KBTBD3: variants seen among roughly 807,000 people sequenced by gnomAD.
The protein encoded by KBTBD3 is kelch repeat and BTB domain containing 3, also known as kelch repeat and BTB domain-containing protein 3.
A neutral mutation model predicts 49.6 loss-of-function variants in KBTBD3; 38 were observed. That is an observed-to-expected ratio of 0.77 (90% CI 0.59 to 1.00). The LOEUF (loss-of-function observed/expected upper bound fraction) is 1.00, where lower values mean the gene tolerates loss of function less well. Among genes scored for constraint, KBTBD3 ranks in the 50% least tolerant of loss-of-function variants. KBTBD3 has a pLI of 0.00. For missense variants in KBTBD3, 661 were observed against 712.0 expected, an observed-to-expected ratio of 0.93 and a Z score of 0.81; for synonymous variants, 214 against 250.4, an observed-to-expected ratio of 0.85 and a Z score of 1.37.
rs200897840 is a variant in KBTBD3, at chr11:106,054,459, C to A, written c.234-4G>T. On this transcript the variant is annotated splice_region_variant and splice_polypyrimidine_tract_variant and intron_variant, in intron 3 of 3. Coordinates refer to ENST00000531837, the MANE Select transcript of KBTBD3 (RefSeq NM_198439.3). Reference sequence around the variant, plus strand: ...CATGTTTACTTCAAACATAGCCCTGCAAAAATAAAGAACACAGAAAAACAG... The same window carrying A: ...CATGTTTACTTCAAACATAGCCCTGAAAAAATAAAGAACACAGAAAAACAG... 4 of 1,496,272 alleles carry A rather than the reference C, an allele frequency of 2.7e-6. No individual in the cohort carries two copies. Among genetic ancestry groups the A allele is most frequent in the African/African-American group, 2.8e-5 (2 of 71,152 alleles). The allele number at this position is 1,496,272 out of a possible 1,614,324, so 92.7% of individuals were successfully genotyped here. A position where few individuals can be genotyped will look rare whatever the true frequency, so the allele number is the denominator to read the frequency against.
intron 2 of KBTBD3, among the ~76,000 whole-genome samples, chr11:106,059,517 C>T (rs1338051551): frequency 1.3e-5 from 2 of 152,144 alleles, no homozygotes; most frequent in Non-Finnish European, 2.9e-5. Flanking sequence ...CTTCTGGTAA[C>T]AAAGTAGCTG....
In KBTBD3 at chr11:106,053,087, T is replaced by C. The variant is rs1217768683; in HGVS notation, c.1602A>G (p.Glu534=). 6.2e-7 allele frequency: 1 copy of C among 1,613,784 alleles called. No homozygotes were observed. Among genetic ancestry groups the C allele is most frequent in the Middle Eastern group, 1.6e-4 (1 of 6,062 alleles). Residue 534 remains glutamate, a synonymous_variant, in exon 4 of 4, where the codon GAA becomes GAG. Coordinates refer to ENST00000531837, the MANE Select transcript of KBTBD3 (RefSeq NM_198439.3). ...TAAAGCCTGCACACTCAAAAGATCC[T>C]TCGCCTTTCCAAACACAAGTGTCTG... ...FCPDTCVWKG[E]GSFECAGFNA... is the part of the protein sequence containing the mutation.
rs374062847 is a variant in KBTBD3 at position 106,073,258 on chromosome 11, CTTT to C, written c.-13+3246_-13+3248del. On this transcript the variant is annotated intron_variant, in intron 2 of 3. Transcript: ENST00000531837. Reference sequence around the variant, plus strand: ...TACAGGCGTGCATTAGCACACTCAGCTTTTTTTTTTTTTTTTTTTTTAATTTAG... The same window carrying C: ...TACAGGCGTGCATTAGCACACTCAGCTTTTTTTTTTTTTTTTTTAATTTAG... 6.2e-3 allele frequency among the ~76,000 whole-genome samples: 703 copies of C among 113,074 alleles called. 5 individuals are homozygous for C. The highest frequency in any genetic ancestry group is 0.013 in the South Asian group (39 of 3,044). 74.2% of individuals were successfully genotyped at this position (113,074 alleles called of 152,430 possible).
chr11:106,060,388 T>A (rs1157403450), intron 2 of KBTBD3, among the ~76,000 whole-genome samples: 1 of 152,164 alleles, frequency 6.6e-6, no homozygotes, highest in East Asian at 1.9e-4. Context: ...TGTTTTATAT[T>A]TTTGCAAATC....
In KBTBD3 at chr11:106,053,730, G is replaced by C. The variant is rs1860484190; in HGVS notation, c.959C>G (p.Ser320Ter). Residue 320 changes from serine to a stop codon, truncating the protein, a stop_gained, in exon 4 of 4, where the codon TCA (serine) becomes TGA (stop). Transcript: ENST00000531837. LOFTEE classifies it high-confidence loss of function. ...YTFCYNIKSD[S>*]WKILPQSHLI... ...GTGTGATTGCGGCAGTATTTTCCAT[G>C]AATCAGATTTAATGTTATAGCAAAA... 6.2e-7 allele frequency: 1 copy of C among 1,613,604 alleles called. No homozygotes were observed. Among genetic ancestry groups the C allele is most frequent in the Non-Finnish European group, 8.5e-7 (1 of 1,179,880 alleles).
In KBTBD3 at chr11:106,052,262, AATGGCATTATAAC is replaced by A. The variant is rs1198205248; in HGVS notation, c.*575_*587del. ...TTTTTAAAGCATTTAAGTAACTGCT[AATGGCATTATAAC>A]ATGGTACATTATGCTTTTAATGAAA... is the stretch of plus-strand genomic sequence containing the variant. On this transcript the variant is annotated 3_prime_UTR_variant, in exon 4 of 4. Coordinates refer to ENST00000531837, the MANE Select transcript of KBTBD3 (RefSeq NM_198439.3). The A allele has an allele frequency of 1.6e-4, 24 of 152,036 alleles. No homozygotes were observed. The highest frequency in any genetic ancestry group is 1.2e-3 in the Admixed American group (19 of 15,242). 9.4% of individuals were successfully genotyped at this position (152,036 alleles called of 1,614,324 possible).
intron 2 of KBTBD3, among the ~76,000 whole-genome samples, chr11:106,070,586 T>A (rs1203096833): frequency 1.3e-5 from 2 of 152,056 alleles, no homozygotes; most frequent in African/African-American, 4.8e-5. Flanking sequence ...TAAAATATAA[T>A]GACAACACCA....
chr11:106,064,517 C>T (rs911683928), intron 2 of KBTBD3, among the ~76,000 whole-genome samples: 3 of 129,348 alleles, frequency 2.3e-5, no homozygotes, highest in African/African-American at 7.9e-5. Flanking sequence ...GCACTCCAGC[C>T]TGGGTGACAG....
In KBTBD3 at chr11:106,054,258, A is replaced by T; in HGVS notation, c.431T>A (p.Phe144Tyr). The T allele has an allele frequency of 6.2e-7, 1 of 1,612,136 alleles. No homozygotes were observed. The highest frequency in any genetic ancestry group is 8.5e-7 in the Non-Finnish European group (1 of 1,179,072). Residue 144 changes from phenylalanine to tyrosine, a missense_variant, in exon 4 of 4, where the codon TTT becomes TAT. Transcript: ENST00000531837. ...GACAAGATTAATACTTTTTATTAAA[A>T]AGTCACTGCAAGCTTTGGATAGGAA... ...VSFLSKACSDFLIKSINLVNC... is the reference protein window; with the variant it reads ...VSFLSKACSDYLIKSINLVNC...
chr11:106,058,634 G>T (rs1325391524), intron 3 of KBTBD3: 5 of 457,344 alleles, frequency 1.1e-5, no homozygotes, highest in African/African-American at 6.2e-5. Flanking sequence ...ATGTTGGCCA[G>T]GCTGGTCTTG....
chr11:106,072,086 C>A (rs1157017429), intron 2 of KBTBD3, among the ~76,000 whole-genome samples: 1 of 152,086 alleles, frequency 6.6e-6, no homozygotes, highest in Non-Finnish European at 1.5e-5. Context: ...GGGTAGTAGT[C>A]ATGACATATT....
At chr11:106,069,375 A>C (rs886503579) in intron 2 of KBTBD3, among the ~76,000 whole-genome samples, 1 of 152,082 alleles carries the variant, frequency 6.6e-6, no homozygotes, top group African/African-American at 2.4e-5. Flanking sequence ...AACCTCATAG[A>C]ACGAATCAGC....
In KBTBD3 at chr11:106,054,028, T is replaced by G. The variant is rs530353292; in HGVS notation, c.661A>C (p.Ser221Arg). The G allele has an allele frequency of 8.7e-6, 14 of 1,613,830 alleles. No homozygotes were observed. The South Asian group carries it at 1.4e-4, about 16-fold the overall frequency. Reference sequence around the variant, plus strand: ...GATTCTAAGTTATGTTTAGTCCAACTAAGGACAACTTTCAGTACCATTTCT... The same window carrying G: ...GATTCTAAGTTATGTTTAGTCCAACGAAGGACAACTTTCAGTACCATTTCT... Reference protein sequence around the residue: ...EEEMVLKVVLSWTKHNLESRQ... With the variant: ...EEEMVLKVVLRWTKHNLESRQ... Residue 221 changes from serine to arginine, a missense_variant, in exon 4 of 4, where the codon AGT (serine) becomes CGT (arginine). Coordinates refer to ENST00000531837, the MANE Select transcript of KBTBD3 (RefSeq NM_198439.3).
At chr11:106,066,118 A>G (rs1026561188) in intron 2 of KBTBD3, among the ~76,000 whole-genome samples, 3 of 152,216 alleles carry the variant, frequency 2.0e-5, no homozygotes, top group Non-Finnish European at 4.4e-5. Flanking sequence ...AATGATCACA[A>G]CAATCTAAAT....
In KBTBD3 at chr11:106,053,508, G is replaced by A; in HGVS notation, c.1181C>T (p.Thr394Ile). The part of the protein sequence containing the change: ...FLVSTMKTPR[T>I]MHTSVMALDR... The stretch of plus-strand genomic sequence containing the variant: ...GAGAGCCATAACTGATGTATGCATG[G>A]TTCTTGGTGTTTTCATAGTTGATAC... Residue 394 changes from threonine to isoleucine, a missense_variant, in exon 4 of 4, where the codon ACC becomes ATC. Coordinates refer to ENST00000531837, the MANE Select transcript of KBTBD3 (RefSeq NM_198439.3). 6.2e-7 allele frequency: 1 copy of A among 1,613,724 alleles called. No individual in the cohort carries two copies. Among genetic ancestry groups the A allele is most frequent in the Non-Finnish European group, 8.5e-7 (1 of 1,179,844 alleles).
In KBTBD3 at chr11:106,053,210, A is replaced by C; in HGVS notation, c.1479T>G (p.Phe493Leu). 5.0e-6 allele frequency: 8 copies of C among 1,613,678 alleles called. No homozygotes were observed. Among genetic ancestry groups the C allele is most frequent in the Non-Finnish European group, 6.8e-6 (8 of 1,179,818 alleles). ...TTAATGTTGCATGAAAAAATTGCCC[A>C]AACTCTGCTACTAGTTCAGACCACT... ...TDQWSELVAE[F>L]GQFFHATLIK... The change falls in exon 4 of 4, where the codon TTT becomes TTG. Residue 493 changes from phenylalanine to leucine, a missense_variant. Transcript: ENST00000531837.
Position 106,053,839 on chromosome 11 carries a change from G to C in KBTBD3, c.850C>G (p.Leu284Val). Residue 284 changes from leucine (L) to valine (V), a missense_variant, in exon 4 of 4, where the codon CTC (leucine) becomes GTC (valine). Transcript: ENST00000531837. ...GTGGATGGTCGAGCATCAGGGAAGA[G>C]TCCACCAGAACCTTGCACACACTTA... is the stretch of plus-strand genomic sequence containing the variant. Reference protein sequence around the residue: ...AIKCVQGSGGLFPDARPSTTE... With the variant: ...AIKCVQGSGGVFPDARPSTTE... The C allele has an allele frequency of 6.2e-7, 1 of 1,613,960 alleles. No individual in the cohort carries two copies. The highest frequency in any genetic ancestry group is 8.5e-7 in the Non-Finnish European group (1 of 1,179,906).
rs375679543 is a variant in KBTBD3, at chr11:106,064,311, C to T, written c.-12-5202G>A. Among the ~76,000 whole-genome samples the T allele has an allele frequency of 3.9e-5, 6 of 151,910 alleles. No individual in the cohort carries two copies. In the East Asian group the frequency reaches 1.2e-3, roughly 29 times the overall value. ...CTGTAATCCCAGCACTTTAGGAGGC[C>T]GAGGCGGGTGGATCACCTCAGGTCA... is the stretch of plus-strand genomic sequence containing the variant. On this transcript the variant is annotated intron_variant, in intron 2 of 3. Coordinates refer to ENST00000531837, the MANE Select transcript of KBTBD3 (RefSeq NM_198439.3).
rs539617966 is a variant in KBTBD3, at chr11:106,069,904, G to C, written c.-13+6603C>G. Among the ~76,000 whole-genome samples, 26 of 151,500 alleles carry C rather than the reference G, an allele frequency of 1.7e-4. No individual in the cohort carries two copies. In the South Asian group the frequency reaches 2.9e-3, roughly 17 times the overall value. ...CAATACTGTGTAATATTAGTGAAAG[G>C]AGAGACACATAGATCAGTGGAATGC... On this transcript the variant is annotated intron_variant, in intron 2 of 3. Transcript: ENST00000531837.
Sources: allele counts gnomAD v4.1 joint callset (sites outside exome capture counted in the v4.1 genomes callset), GRCh38; gene constraint gnomAD v4.1.1; transcripts MANE v1.5; gene names NCBI Gene and HGNC (gene_info 2026-07-23, HGNC 2026-07-21).